The following RALYL variants were observed in gnomAD, a reference collection of about 807,000 sequenced individuals.
RALYL encodes RALY RNA binding protein like.
In RALYL, 29 loss-of-function variants were observed where a neutral mutation model predicts 35.1. The observed-to-expected ratio is 0.83, with a 90% confidence interval of 0.61 to 1.13. The LOEUF (loss-of-function observed/expected upper bound fraction) is 1.13. RALYL is among the 50% of genes most tolerant of loss of function. RALYL has a pLI of 0.00. For synonymous variants in RALYL, 120 were observed against 127.6 expected (o/e 0.94, Z 0.40); for missense variants, 359 against 360.4 (o/e 1.00, Z 0.03).
intron 1 of RALYL, among the ~76,000 whole-genome samples, chr8:84,364,805 C>CT (rs1328465029): frequency 6.6e-6 from 1 of 152,038 alleles, no homozygotes; most frequent in Non-Finnish European, 1.5e-5. Context: ...TCAGCTTAAG[C>CT]TTTTCAATTG....
chr8:84,520,993 C>G (rs1566791), intron 1 of RALYL, among the ~76,000 whole-genome samples: 54,731 of 152,000 alleles, frequency 0.36, 10,025 homozygotes, highest in South Asian at 0.51. Flanking sequence ...CCCAAAGCTT[C>G]AAAACGAAAA....
At chr8:84,428,747 A>G (rs1017158806) in intron 1 of RALYL, among the ~76,000 whole-genome samples, 4 of 152,184 alleles carry the variant, frequency 2.6e-5, no homozygotes, top group Admixed American at 2.6e-4. Flanking sequence ...CACAGAAAAC[A>G]TATATAGGGT....
chr8:84,661,322 A>G (rs1242805394), intron 2 of RALYL, among the ~76,000 whole-genome samples: 1 of 152,116 alleles, frequency 6.6e-6, no homozygotes, highest in Non-Finnish European at 1.5e-5. Context: ...AGTCAAAGTC[A>G]CCCACTCCTC....
intron 1 of RALYL, among the ~76,000 whole-genome samples, chr8:84,424,925 G>A (rs2046175308): frequency 6.6e-6 from 1 of 151,662 alleles, no homozygotes; most frequent in Non-Finnish European, 1.5e-5. Flanking sequence ...CTCCAGCTGT[G>A]TGCTGGGAGA....
At chr8:84,382,573 T>C (rs1262514154) in intron 1 of RALYL, among the ~76,000 whole-genome samples, 2 of 151,812 alleles carry the variant, frequency 1.3e-5, no homozygotes, top group African/African-American at 2.4e-5. Flanking sequence ...TTTTAAATGC[T>C]TATTAGGATA....
chr8:84,752,945 G>C (rs147679004), intron 2 of RALYL, among the ~76,000 whole-genome samples: 2 of 152,318 alleles, frequency 1.3e-5, no homozygotes, highest in African/African-American at 4.8e-5. Flanking sequence ...GCACTGCTTA[G>C]TGGAGCTGTG....
At position 84,778,287 on chromosome 8, in the gene RALYL, T is replaced by G. The variant is rs1020326487; in HGVS notation, c.332+3633T>G. Among the ~76,000 whole-genome samples, 7 of 152,192 alleles carry G rather than the reference T, an allele frequency of 4.6e-5. No individual in the cohort carries two copies. The South Asian group carries it at 1.2e-3, about 27-fold the overall frequency. ...CTCCAATACCAATCACAAAGTGGTA[T>G]TCACATGAAATATCCACTGAGGCAT... On this transcript the variant is annotated intron_variant, in intron 3 of 8. Coordinates refer to ENST00000521268, the MANE Select transcript of RALYL (RefSeq NM_173848.7).
intron 2 of RALYL, among the ~76,000 whole-genome samples, chr8:84,742,618 G>C (rs1424356138): frequency 6.6e-6 from 1 of 151,996 alleles, no homozygotes; most frequent in African/African-American, 2.4e-5. Flanking sequence ...AGAATCAGAG[G>C]AAACTGGGAG....
At chr8:84,201,974 C>T (rs962213858) in intron 1 of RALYL, among the ~76,000 whole-genome samples, 5 of 151,948 alleles carry the variant, frequency 3.3e-5, no homozygotes, top group African/African-American at 1.2e-4. Context: ...TATATCCAAC[C>T]CTCACAACAG....
chr8:84,361,828 G>A (rs1853105502), intron 1 of RALYL, among the ~76,000 whole-genome samples: 1 of 152,186 alleles, frequency 6.6e-6, no homozygotes, highest in African/African-American at 2.4e-5. Context: ...GAGATAAATT[G>A]TGCAAGCCTT....
chr8:84,201,237 A>C (rs1484982700), intron 1 of RALYL, among the ~76,000 whole-genome samples: 1 of 129,956 alleles, frequency 7.7e-6, no homozygotes, highest in Admixed American at 7.6e-5. Flanking sequence ...AATTTATAGA[A>C]TGTTAATCTG....
At chr8:84,659,648 C>T (rs1830550939) in intron 2 of RALYL, among the ~76,000 whole-genome samples, 1 of 152,032 alleles carries the variant, frequency 6.6e-6, no homozygotes, top group Non-Finnish European at 1.5e-5. Context: ...TGATAGTGGA[C>T]TAGGAGTAGG....
chr8:84,799,979 A>AAAT (rs960257675), intron 3 of RALYL, among the ~76,000 whole-genome samples: 1 of 152,120 alleles, frequency 6.6e-6, no homozygotes, highest in African/African-American at 2.4e-5. Flanking sequence ...TAAATAAATA[A>AAAT]AATAAGGGAG....
At chr8:84,383,879 T>G (rs1297126587) in intron 1 of RALYL, among the ~76,000 whole-genome samples, 1 of 151,316 alleles carries the variant, frequency 6.6e-6, no homozygotes, top group East Asian at 2.0e-4. Context: ...AATTGAGAGA[T>G]GTGGGTAAGT....
chr8:84,454,609 C>A (rs1030095309), intron 1 of RALYL, among the ~76,000 whole-genome samples: 2 of 152,094 alleles, frequency 1.3e-5, no homozygotes, highest in Non-Finnish European at 2.9e-5. Flanking sequence ...CTGGCTGAGG[C>A]TTTGTGGCCA....
intron 2 of RALYL, among the ~76,000 whole-genome samples, chr8:84,759,807 A>C (rs1812262286): frequency 6.6e-6 from 1 of 152,232 alleles, no homozygotes. Flanking sequence ...ACTGTTTTAT[A>C]AAATGACTGC....
chr8:84,864,792 C>T, intron 6 of RALYL: 2 of 613,208 alleles, frequency 3.3e-6, no homozygotes, highest in South Asian at 1.5e-5. Flanking sequence ...TCCAAGCCAG[C>T]CCTGCAGCAG....
intron 1 of RALYL, among the ~76,000 whole-genome samples, chr8:84,414,361 C>T (rs550157833): frequency 8.1e-4 from 123 of 152,210 alleles, no homozygotes; most frequent in African/African-American, 2.9e-3. Flanking sequence ...TAAAAATAGC[C>T]TCTTTTGACC....
chr8:84,555,583 T>C (rs1350170053), intron 2 of RALYL, among the ~76,000 whole-genome samples: 1 of 152,220 alleles, frequency 6.6e-6, no homozygotes, highest in Non-Finnish European at 1.5e-5. Flanking sequence ...ATTTCCTGAA[T>C]CAGTGAACAT....
Sources: allele counts gnomAD v4.1 joint callset (sites outside exome capture counted in the v4.1 genomes callset), GRCh38; gene constraint gnomAD v4.1.1; transcripts MANE v1.5; gene names NCBI Gene and HGNC (gene_info 2026-07-23, HGNC 2026-07-21).